Variants in ESCO1 observed in about 807,000 individuals in gnomAD.
ESCO1 encodes the protein N-acetyltransferase ESCO1.
Under a neutral mutation model 83.5 loss-of-function variants are expected in ESCO1, and 33 were observed. The observed-to-expected ratio is 0.40, with a 90% CI of 0.30 to 0.53. The LOEUF (loss-of-function observed/expected upper bound fraction) is 0.53, where lower values mean the gene tolerates loss of function less well. ESCO1 is among the 20% of genes least tolerant of loss of function. The pLI is 0.63. For synonymous variants in ESCO1, 332 were observed against 324.3 expected (o/e 1.02, Z -0.25); for missense variants, 855 against 968.0 (o/e 0.88, Z 1.55).
chr18:21,561,345 AGTT>A (rs1224020416), intron 7 of ESCO1, among the ~76,000 whole-genome samples: 2 of 152,106 alleles, frequency 1.3e-5, no homozygotes, highest in African/African-American at 4.8e-5. Context: ...TAGAGGAAAA[AGTT>A]TTTTTGATAC....
chr18:21,556,786 C>T (rs935320765), intron 8 of ESCO1, among the ~76,000 whole-genome samples: 3 of 152,072 alleles, frequency 2.0e-5, no homozygotes, highest in East Asian at 1.9e-4. Context: ...CTGCAACCTC[C>T]GCCTCCCAGG....
intron 8 of ESCO1, among the ~76,000 whole-genome samples, chr18:21,543,870 C>T (rs2037937676): frequency 6.6e-6 from 1 of 152,158 alleles, no homozygotes; most frequent in Non-Finnish European, 1.5e-5. Context: ...CATAGGAAAT[C>T]ATGAGCTATT....
chr18:21,566,612 G>T (rs1321667648), intron 5 of ESCO1, among the ~76,000 whole-genome samples: 1 of 152,192 alleles, frequency 6.6e-6, no homozygotes, highest in Non-Finnish European at 1.5e-5. Flanking sequence ...TGTAATCCCA[G>T]CACTTTGGGA....
chr18:21,589,987 C>T (rs924809470), intron 1 of ESCO1, among the ~76,000 whole-genome samples: 6 of 151,730 alleles, frequency 4.0e-5, no homozygotes, highest in African/African-American at 7.3e-5. Context: ...GCCACCACAC[C>T]GGGCTAATTT....
chr18:21,595,183 T>C (rs530328454), intron 1 of ESCO1, among the ~76,000 whole-genome samples: 1 of 151,988 alleles, frequency 6.6e-6, no homozygotes, highest in South Asian at 2.1e-4. Flanking sequence ...TATATTATGA[T>C]AGATGCTGGG....
intron 1 of ESCO1, among the ~76,000 whole-genome samples, chr18:21,593,832 A>C (rs1029813079): frequency 1.3e-5 from 2 of 151,044 alleles, no homozygotes; most frequent in Admixed American, 6.6e-5. Flanking sequence ...AAAAAACCTT[A>C]GACAATTCAG....
intron 1 of ESCO1, among the ~76,000 whole-genome samples, chr18:21,586,316 T>G (rs2038575975): frequency 1.3e-5 from 2 of 152,212 alleles, no homozygotes; most frequent in Admixed American, 1.3e-4. Context: ...TCACTGAACA[T>G]AATGTCTTCC....
intron 1 of ESCO1, among the ~76,000 whole-genome samples, chr18:21,599,009 T>C (rs1019614814): frequency 2.6e-5 from 4 of 151,574 alleles, no homozygotes; most frequent in Non-Finnish European, 4.4e-5. Context: ...CCTACTCCCA[T>C]GTCTAATTCC....
rs144250829 is a variant in ESCO1 at position 21,539,484 on chromosome 18, T to C, written c.2043+436A>G. On this transcript the variant is annotated intron_variant, in intron 9 of 11. Transcript: ENST00000269214. Reference sequence around the variant, plus strand: ...AATTTTTGAATTGGGTTATACCCTTTAAACGCTTATTTCTTGTTTTCAGAA... The same window carrying C: ...AATTTTTGAATTGGGTTATACCCTTCAAACGCTTATTTCTTGTTTTCAGAA... Among the ~76,000 whole-genome samples, 1,111 of 152,336 alleles carry C rather than the reference T, an allele frequency of 7.3e-3. 23 individuals are homozygous for C. The highest frequency in any genetic ancestry group is 0.026 in the African/African-American group (1,066 of 41,570).
rs181001145 is a variant in ESCO1, at chr18:21,598,337, T to C, written c.-825+2286A>G. On this transcript the variant is annotated intron_variant, in intron 1 of 11. Coordinates refer to ENST00000269214, the MANE Select transcript of ESCO1 (RefSeq NM_052911.3). The stretch of plus-strand genomic sequence containing the variant: ...TAATGGCATTCATTAATTAGGGTAC[T>C]TTTTTAGTTATTCTGTGAAGCATAA... Among the ~76,000 whole-genome samples, 927 of 152,324 alleles carry C rather than the reference T, an allele frequency of 6.1e-3. 7 individuals are homozygous for C. Among genetic ancestry groups the C allele is most frequent in the African/African-American group, 0.021 (860 of 41,570 alleles).
chr18:21,596,699 A>G (rs2038772551), intron 1 of ESCO1, among the ~76,000 whole-genome samples: 2 of 151,990 alleles, frequency 1.3e-5, no homozygotes, highest in South Asian at 2.1e-4. Flanking sequence ...GCTAGGCATG[A>G]TGGCAGGTGC....
intron 8 of ESCO1, among the ~76,000 whole-genome samples, chr18:21,544,067 A>G (rs979609633): frequency 2.0e-5 from 3 of 152,164 alleles, no homozygotes; most frequent in Middle Eastern, 3.4e-3. Context: ...AGGTCAGGAG[A>G]TCGAGACCAT....
chr18:21,585,150 A>C (rs939026395), intron 1 of ESCO1, among the ~76,000 whole-genome samples: 1 of 152,056 alleles, frequency 6.6e-6, no homozygotes, highest in African/African-American at 2.4e-5. Flanking sequence ...CAAAAAAAAA[A>C]AAAAAAAACT....
rs755269848 is a variant in ESCO1 at position 21,574,802 on chromosome 18, T to C, written c.42A>G (p.Lys14=). The C allele has an allele frequency of 3.1e-6, 5 of 1,596,046 alleles. No homozygotes were observed. In the Admixed American group the frequency reaches 6.8e-5, roughly 22 times the overall value. The change falls in exon 4 of 12, where the codon AAA becomes AAG. Residue 14 remains lysine (K), a synonymous_variant. Transcript: ENST00000269214. ...IQEKSKENSS[K]VTKKSDDKNS... Reference sequence around the variant, plus strand: ...TCTTATCGTCACTTTTTTTAGTAACTTTGGAGGAATTCTCTTTTGATTTCT... The same window carrying C: ...TCTTATCGTCACTTTTTTTAGTAACCTTGGAGGAATTCTCTTTTGATTTCT...
chr18:21,575,299 A>C lies in ESCO1; in HGVS notation c.-456T>G, dbSNP rs1010210503. The C allele has an allele frequency of 7.6e-6, 3 of 394,864 alleles. No homozygotes were observed. Among genetic ancestry groups the C allele is most frequent in the Non-Finnish European group, 1.3e-5 (3 of 223,848 alleles). The allele number at this position is 394,864 out of a possible 1,614,324, so 24.5% of individuals were successfully genotyped here. ...GTCTACAGTTATTGGACTTCGATTC[A>C]CTTGAAACATGTCTTATGGCTAACA... On this transcript the variant is annotated 5_prime_UTR_variant, in exon 4 of 12. Coordinates refer to ENST00000269214, the MANE Select transcript of ESCO1 (RefSeq NM_052911.3).
At chr18:21,588,659 G>A (rs1568113385) in intron 1 of ESCO1, among the ~76,000 whole-genome samples, 1 of 152,156 alleles carries the variant, frequency 6.6e-6, no homozygotes, top group Admixed American at 6.6e-5. Context: ...GCTCACGCCT[G>A]TAATACTAAC....
chr18:21,590,625 A>C (rs1031770597), intron 1 of ESCO1, among the ~76,000 whole-genome samples: 1 of 151,968 alleles, frequency 6.6e-6, no homozygotes, highest in Admixed American at 6.6e-5. Context: ...ATTTGTATTT[A>C]ATTTAAATTT....
chr18:21,566,590 T>TG (rs1361249977), intron 5 of ESCO1, among the ~76,000 whole-genome samples: 3 of 152,236 alleles, frequency 2.0e-5, no homozygotes, highest in Non-Finnish European at 4.4e-5. Flanking sequence ...CCGGGCATGG[T>TG]GGCCTCACAT....
chr18:21,594,516 C>T (rs1489829789), intron 1 of ESCO1, among the ~76,000 whole-genome samples: 3 of 152,058 alleles, frequency 2.0e-5, no homozygotes, highest in Non-Finnish European at 4.4e-5. Context: ...CCAGCCTGGC[C>T]AACATGGCGA....
Sources: allele counts gnomAD v4.1 joint callset (sites outside exome capture counted in the v4.1 genomes callset), GRCh38; gene constraint gnomAD v4.1.1; transcripts MANE v1.5; gene names NCBI Gene and HGNC (gene_info 2026-07-23, HGNC 2026-07-21).